The following SUPT16H variants were observed in gnomAD, a reference collection of about 807,000 sequenced individuals.
SUPT16H encodes SPT16 homolog, facilitates chromatin remodeling subunit.
Under a neutral mutation model 136.2 loss-of-function variants are expected in SUPT16H, and 24 were observed. The ratio of observed to expected loss-of-function variants is 0.18; its 90% confidence interval spans 0.13 to 0.25. The LOEUF (loss-of-function observed/expected upper bound fraction) is 0.25, where lower values mean the gene tolerates loss of function less well. Ranked by LOEUF, SUPT16H falls within the 10% of genes least tolerant of loss-of-function variation. SUPT16H has a pLI of 1.00. For missense variants in SUPT16H, 623 were observed against 1,270.2 expected (o/e 0.49, Z 7.74); for synonymous variants, 415 against 428.2 (o/e 0.97, Z 0.38).
intron 1 of SUPT16H, among the ~76,000 whole-genome samples, chr14:21,375,984 G>T (rs889020146): frequency 6.6e-6 from 1 of 152,166 alleles, no homozygotes; most frequent in Non-Finnish European, 1.5e-5. Context: ...TTCTACAAGG[G>T]TTTCATAGCT....
At chr14:21,356,333 T>C (rs920144787) in intron 22 of SUPT16H, among the ~76,000 whole-genome samples, 1 of 152,122 alleles carries the variant, frequency 6.6e-6, no homozygotes, top group Admixed American at 6.5e-5. Flanking sequence ...TAGAAATAAA[T>C]CGTGTTCCAG....
chr14:21,381,204 C>A (rs1173099088), intron 1 of SUPT16H, among the ~76,000 whole-genome samples: 2 of 152,006 alleles, frequency 1.3e-5, no homozygotes, highest in Non-Finnish European at 2.9e-5. Flanking sequence ...AGATACAGGG[C>A]TTAATATTTT....
chr14:21,357,063 G>A, intron 22 of SUPT16H, 134 bp downstream of exon 22: 2 of 881,416 alleles, frequency 2.3e-6, no homozygotes, highest in Non-Finnish European at 1.6e-6. Context: ...AAGTTTTCAA[G>A]TCCTGGTCTG....
chr14:21,366,602 A>G (rs1241817173), intron 7 of SUPT16H, 73 bp from the exon 8 acceptor site: 2 of 1,401,214 alleles, frequency 1.4e-6, no homozygotes, highest in Non-Finnish European at 2.0e-6. Context: ...TAAAATCAAA[A>G]TTTATGTCCC....
chr14:21,357,853 T>C, intron 21 of SUPT16H, 74 bp downstream of exon 21: 2 of 1,336,982 alleles, frequency 1.5e-6, no homozygotes, highest in Non-Finnish European at 2.1e-6. Flanking sequence ...TGACAATAAT[T>C]AGGATAAAAA....
chr14:21,369,527 G>T (rs1354270680), intron 5 of SUPT16H, 172 bp from the exon 6 acceptor site: 5 of 967,606 alleles, frequency 5.2e-6, no homozygotes, highest in Non-Finnish European at 7.6e-6. Flanking sequence ...ACAATATGTA[G>T]GACTTACAGC....
chr14:21,362,453 T>A, intron 14 of SUPT16H, 129 bp from the exon 15 acceptor site: 1 of 901,658 alleles, frequency 1.1e-6, no homozygotes. Context: ...CTAATAAATT[T>A]ACATAATTTA....
intron 10 of SUPT16H, among the ~76,000 whole-genome samples, chr14:21,363,970 C>T (rs746284880): frequency 4.6e-5 from 7 of 152,118 alleles, no homozygotes; most frequent in Non-Finnish European, 1.0e-4. Context: ...TGAGCCACTG[C>T]GCCCAGCCAA....
chr14:21,360,673 G>A (rs1479572894), intron 17 of SUPT16H, 140 bp from the exon 18 acceptor site: 2 of 1,209,846 alleles, frequency 1.7e-6, no homozygotes, highest in East Asian at 4.7e-5. Flanking sequence ...TGGCCACACA[G>A]CAGTGTAAGT....
intron 3 of SUPT16H, 71 bp from the exon 4 acceptor site, chr14:21,370,559 G>C: frequency 2.1e-5 from 31 of 1,499,008 alleles, no homozygotes; most frequent in Non-Finnish European, 2.8e-5. Flanking sequence ...ACCAGTAACA[G>C]GTAGAATAAT....
chr14:21,363,187 G>A (rs1298908755), intron 12 of SUPT16H, 38 bp from the exon 13 acceptor site: 1 of 1,613,862 alleles, frequency 6.2e-7, no homozygotes, highest in Non-Finnish European at 8.5e-7. Context: ...CAACACGTGA[G>A]CCATATGACA....
At position 21,351,975 on chromosome 14, in the gene SUPT16H, G is replaced by C. The variant is rs1886316198; in HGVS notation, c.*698C>G. 1.3e-5 allele frequency: 2 copies of C among 152,504 alleles called. No individual in the cohort carries two copies. Among genetic ancestry groups the C allele is most frequent in the South Asian group, 4.1e-4 (2 of 4,844 alleles). 9.4% of individuals were successfully genotyped at this position (152,504 alleles called of 1,614,324 possible). A position where few individuals can be genotyped will look rare whatever the true frequency, so the allele number is the denominator to read the frequency against. On this transcript the variant is annotated 3_prime_UTR_variant, in exon 26 of 26. Transcript: ENST00000216297. The stretch of plus-strand genomic sequence containing the variant: ...GATATATGAGAAAAAAAAGAAGACA[G>C]TGGCAATTTTGCCTTCTATCATTGT...
intron 1 of SUPT16H, among the ~76,000 whole-genome samples, chr14:21,377,076 G>GAA (rs11323425): frequency 9.0e-6 from 1 of 110,790 alleles, no homozygotes; most frequent in African/African-American, 3.4e-5. Flanking sequence ...GAAAGAAAAA[G>GAA]AAAAAAAAAA....
chr14:21,373,878 C>A (rs1886840907), intron 1 of SUPT16H, among the ~76,000 whole-genome samples: 1 of 151,868 alleles, frequency 6.6e-6, no homozygotes, highest in Non-Finnish European at 1.5e-5. Flanking sequence ...CAGGTGCCCA[C>A]CACCACACCT....
chr14:21,371,114 T>TG (rs1886776088), intron 3 of SUPT16H, among the ~76,000 whole-genome samples: 1 of 151,416 alleles, frequency 6.6e-6, no homozygotes, highest in South Asian at 2.1e-4. Flanking sequence ...TGCGCTCAAG[T>TG]GCTCGCCTCG....
chr14:21,368,935 C>A (rs770125338), intron 6 of SUPT16H, among the ~76,000 whole-genome samples: 1 of 151,626 alleles, frequency 6.6e-6, no homozygotes, highest in Admixed American at 6.6e-5. Context: ...GGGGGGCAGG[C>A]GAGGATGAAA....
At chr14:21,371,406 C>T (rs76672599) in intron 3 of SUPT16H, among the ~76,000 whole-genome samples, 2,027 of 152,172 alleles carry the variant, frequency 0.013, 47 homozygotes, top group African/African-American at 0.047. Context: ...GTGTGTGCCA[C>T]CACGTCTGAT....
chr14:21,376,355 T>C (rs79956993), intron 1 of SUPT16H, among the ~76,000 whole-genome samples: 2,035 of 152,238 alleles, frequency 0.013, 48 homozygotes, highest in African/African-American at 0.047. Flanking sequence ...ACACTGGTCA[T>C]TCTGAGCTAT....
At chr14:21,358,657 A>G (rs1886485215) in intron 19 of SUPT16H, among the ~76,000 whole-genome samples, 1 of 152,142 alleles carries the variant, frequency 6.6e-6, no homozygotes, top group Non-Finnish European at 1.5e-5. Context: ...CGTAACTATA[A>G]AACTAACATG....
Sources: allele counts gnomAD v4.1 joint callset (sites outside exome capture counted in the v4.1 genomes callset), GRCh38; gene constraint gnomAD v4.1.1; transcripts MANE v1.5; gene names NCBI Gene and HGNC (gene_info 2026-07-23, HGNC 2026-07-21).